ATP11A: variants seen among roughly 807,000 people sequenced by gnomAD.
ATP11A encodes the protein ATPase phospholipid transporting 11A.
Under a neutral mutation model 154.4 loss-of-function variants are expected in ATP11A, and 81 were observed. That is an observed-to-expected ratio of 0.52 (90% CI 0.44 to 0.63). The LOEUF (loss-of-function observed/expected upper bound fraction) is 0.63. Among genes scored for constraint, ATP11A ranks in the 30% least tolerant of loss-of-function variants. The pLI, the probability that ATP11A is intolerant of heterozygous loss-of-function variation, is 0.00. For synonymous variants in ATP11A, 623 were observed against 585.9 expected, an observed-to-expected ratio of 1.06 and a Z score of -0.91; for missense variants, 1,316 against 1,474.3, an observed-to-expected ratio of 0.89 and a Z score of 1.76.
chr13:112,756,302 C>A (rs2139844544), intron 1 of ATP11A, among the ~76,000 whole-genome samples: 1 of 152,306 alleles, frequency 6.6e-6, no homozygotes, highest in South Asian at 2.1e-4. Flanking sequence ...AGGGTCATGT[C>A]CATCGTTGCG....
intron 1 of ATP11A, among the ~76,000 whole-genome samples, chr13:112,701,400 A>C (rs1886513433): frequency 6.6e-6 from 1 of 152,156 alleles, no homozygotes; most frequent in Non-Finnish European, 1.5e-5. Flanking sequence ...TACAGGAATA[A>C]TCTACCTTTT....
intron 24 of ATP11A, among the ~76,000 whole-genome samples, chr13:112,861,621 C>T (rs1161051850): frequency 3.3e-5 from 5 of 152,256 alleles, no homozygotes; most frequent in South Asian, 2.1e-4. Flanking sequence ...TGCAGGAATC[C>T]GTGCATCGGC....
chr13:112,734,577 C>T (rs1405015409), intron 1 of ATP11A, among the ~76,000 whole-genome samples: 1 of 152,138 alleles, frequency 6.6e-6, no homozygotes, highest in Non-Finnish European at 1.5e-5. Context: ...CTGTATCGGA[C>T]TCAAAAAATA....
intron 2 of ATP11A, among the ~76,000 whole-genome samples, chr13:112,797,371 G>T (rs1338111355): frequency 6.6e-6 from 1 of 151,318 alleles, no homozygotes; most frequent in Non-Finnish European, 1.5e-5. Context: ...AGTAAAAGTG[G>T]CTATTTCCAA....
At chr13:112,741,355 G>A (rs995043784) in intron 1 of ATP11A, among the ~76,000 whole-genome samples, 2 of 151,760 alleles carry the variant, frequency 1.3e-5, no homozygotes, top group Non-Finnish European at 2.9e-5. Context: ...TGGTCCCTGC[G>A]GGGCTGTGGG....
intron 16 of ATP11A, among the ~76,000 whole-genome samples, chr13:112,841,395 C>T (rs1405029022): frequency 4.7e-5 from 7 of 148,538 alleles, no homozygotes; most frequent in Non-Finnish European, 7.4e-5. Context: ...ACAAACCAGC[C>T]GCCTGGCAGA....
intron 1 of ATP11A, among the ~76,000 whole-genome samples, chr13:112,726,472 A>C (rs1387569102): frequency 6.6e-6 from 1 of 152,158 alleles, no homozygotes; most frequent in Admixed American, 6.5e-5. Context: ...ACAGGCCTAA[A>C]GGCAGTTGTA....
intron 25 of ATP11A, among the ~76,000 whole-genome samples, chr13:112,865,376 A>ACG (rs2080294737): frequency 7.5e-6 from 1 of 133,052 alleles, no homozygotes; most frequent in Non-Finnish European, 1.7e-5. Context: ...AGTGCAGGCC[A>ACG]TGCAGCTTCT....
At position 112,779,356 on chromosome 13, in the gene ATP11A, C is replaced by CGCTGGAGTGAGGAGTAGTT. The variant is rs1566469423; in HGVS notation, c.40-5762_40-5761insTTGCTGGAGTGAGGAGTAG. Among the ~76,000 whole-genome samples the CGCTGGAGTGAGGAGTAGTT allele has an allele frequency of 2.9e-3, 397 of 138,456 alleles. 18 individuals are homozygous for CGCTGGAGTGAGGAGTAGTT. Among genetic ancestry groups the CGCTGGAGTGAGGAGTAGTT allele is most frequent in the African/African-American group, 0.011 (379 of 33,742 alleles). The allele number at this position is 138,456 out of a possible 152,430, so 90.8% of individuals were successfully genotyped here. A position where few individuals can be genotyped will look rare whatever the true frequency, so the allele number is the denominator to read the frequency against. On this transcript the variant is annotated intron_variant, in intron 1 of 29. Transcript: ENST00000375645. The stretch of plus-strand genomic sequence containing the variant: ...AGGAGTAGCCGCTGGAGTGAGTAGC[C>CGCTGGAGTGAGGAGTAGTT]GCTGGAGTGAGGAGTAGCCGCTGGA...
At chr13:112,714,924 T>C (rs1436866416) in intron 1 of ATP11A, among the ~76,000 whole-genome samples, 3 of 152,170 alleles carry the variant, frequency 2.0e-5, no homozygotes, top group Non-Finnish European at 4.4e-5. Flanking sequence ...TCCGTCCCGC[T>C]TAAATTCTCT....
At chr13:112,880,410 G>C in intron 29 of ATP11A, 1 of 686,670 alleles carries the variant, frequency 1.5e-6, no homozygotes, top group Non-Finnish European at 2.0e-6. Context: ...GCAGCTCCAT[G>C]ACACCCCATG....
At chr13:112,799,158 G>A (rs773153592) in intron 2 of ATP11A, among the ~76,000 whole-genome samples, 11 of 152,188 alleles carry the variant, frequency 7.2e-5, no homozygotes, top group Non-Finnish European at 1.6e-4. Flanking sequence ...AATATGTGAG[G>A]CAAAAACGGA....
chr13:112,869,374 C>T (rs1462883578), intron 25 of ATP11A, among the ~76,000 whole-genome samples: 2 of 152,244 alleles, frequency 1.3e-5, no homozygotes. Context: ...AACTCCTTAT[C>T]CCAGTTCTGC....
intron 1 of ATP11A, among the ~76,000 whole-genome samples, chr13:112,727,761 G>C (rs1177517173): frequency 6.6e-6 from 1 of 152,240 alleles, no homozygotes. Flanking sequence ...TTGAAATGCA[G>C]ATCGGCTTTC....
intron 4 of ATP11A, 57 bp from the exon 5 acceptor site, chr13:112,810,562 T>C: frequency 7.0e-7 from 1 of 1,424,568 alleles, no homozygotes; most frequent in Non-Finnish European, 9.9e-7. Flanking sequence ...TCCCTCCCTT[T>C]CTCCTCCTTC....
rs1892204509 is a variant in ATP11A at position 112,746,724 on chromosome 13, A to C, written c.40-38411A>C. ...CCATGCCTGGCTAATTAAAAAAAAAAAAAAAAAAAGACAACTTTTTTTGGA... is the reference window on the plus strand; with the variant it reads ...CCATGCCTGGCTAATTAAAAAAAAACAAAAAAAAAGACAACTTTTTTTGGA... On this transcript the variant is annotated intron_variant, in intron 1 of 29. Transcript: ENST00000375645. This position sits in a 1 kb window ranked among gnomAD's most constrained non-coding sequence, Gnocchi z 4.1. The C allele has an allele frequency of 6.6e-6, 1 of 151,540 alleles. No homozygotes were observed. Among genetic ancestry groups the C allele is most frequent in the African/African-American group, 2.4e-5 (1 of 41,266 alleles). 9.4% of individuals were successfully genotyped at this position (151,540 alleles called of 1,614,324 possible).
At chr13:112,878,689 AC>A (rs1271537982) in intron 29 of ATP11A, among the ~76,000 whole-genome samples, 1 of 151,924 alleles carries the variant, frequency 6.6e-6, no homozygotes, top group Non-Finnish European at 1.5e-5. Flanking sequence ...GAGCTCACAC[AC>A]CCTTCCCTCT....
In ATP11A at chr13:112,825,435, T is replaced by C. The variant is rs764189019; in HGVS notation, c.878T>C (p.Met293Thr). ...CCTCTGTCCTTTTGTTTTAGATCGATGAATGCGTTCCTCATTGTGTATCTC... is the reference window on the plus strand; with the variant it reads ...CCTCTGTCCTTTTGTTTTAGATCGACGAATGCGTTCCTCATTGTGTATCTC... ...SQKRSAVEKS[M>T]NAFLIVYLCI... The change falls in exon 11 of 30, where the codon ATG (methionine) becomes ACG (threonine). Residue 293 changes from methionine (M) to threonine (T), a missense_variant. By Grantham distance (81) the Met-to-Thr change is moderately conservative (BLOSUM62 -1). Around this residue, in one of 5 missense-constraint regions of ATP11A, gnomAD observed 876 missense variants for 1,006.8 expected, o/e 0.87. Coordinates refer to ENST00000375645, the MANE Select transcript of ATP11A (RefSeq NM_015205.3). 2 of 1,609,928 alleles carry C rather than the reference T, an allele frequency of 1.2e-6. No individual in the cohort carries two copies. The highest frequency in any genetic ancestry group is 1.1e-5 in the South Asian group (1 of 90,356).
intron 1 of ATP11A, among the ~76,000 whole-genome samples, chr13:112,755,710 C>G (rs1225810648): frequency 1.3e-5 from 2 of 152,020 alleles, no homozygotes; most frequent in African/African-American, 2.4e-5. Flanking sequence ...AACCATCACT[C>G]AGAGCGGCTC....
Sources: allele counts gnomAD v4.1 joint callset (sites outside exome capture counted in the v4.1 genomes callset), GRCh38; gene constraint gnomAD v4.1.1; regional missense constraint gnomAD v4.1.1; non-coding constraint Gnocchi (gnomAD v3.1); transcripts MANE v1.5; gene names NCBI Gene and HGNC (gene_info 2026-07-23, HGNC 2026-07-21).